DHCR24: variants seen among roughly 807,000 people sequenced by gnomAD.
DHCR24 encodes delta(24)-sterol reductase.
In DHCR24, 28 loss-of-function variants were observed where a neutral mutation model predicts 61.2. The ratio of observed to expected loss-of-function variants is 0.46; its 90% confidence interval spans 0.34 to 0.63. DHCR24 has a LOEUF of 0.63. Among genes scored for constraint, DHCR24 ranks in the 20% least tolerant of loss-of-function variants. DHCR24 has a pLI of 0.01. For synonymous variants in DHCR24, 261 were observed against 275.9 expected (o/e 0.95, Z 0.54); for missense variants, 538 against 679.1 (o/e 0.79, Z 2.31).
intron 3 of DHCR24, among the ~76,000 whole-genome samples, chr1:54,875,711 A>G (rs1647025116): frequency 6.6e-6 from 1 of 152,184 alleles, no homozygotes; most frequent in South Asian, 2.1e-4. Context: ...GTCACAGGGA[A>G]GCAGATTCAA....
intron 3 of DHCR24, 31 bp downstream of exon 3, chr1:54,875,911 C>G: frequency 6.3e-7 from 1 of 1,585,594 alleles, no homozygotes; most frequent in East Asian, 2.2e-5. Flanking sequence ...GACCGTGTGT[C>G]TCTTCTTGCC....
intron 6 of DHCR24, among the ~76,000 whole-genome samples, chr1:54,855,198 TC>T (rs1487349048): frequency 6.6e-6 from 1 of 151,970 alleles, no homozygotes; most frequent in African/African-American, 2.4e-5. Context: ...ATCGAGACTA[TC>T]CTGGCTAACA....
intron 5 of DHCR24, among the ~76,000 whole-genome samples, chr1:54,867,301 T>C (rs961492219): frequency 2.6e-5 from 4 of 152,188 alleles, no homozygotes; most frequent in Non-Finnish European, 5.9e-5. Flanking sequence ...CAGGGACAAA[T>C]TCCTGAATGC....
intron 5 of DHCR24, among the ~76,000 whole-genome samples, chr1:54,866,480 T>A (rs1405907912): frequency 4.6e-5 from 7 of 151,928 alleles, no homozygotes; most frequent in African/African-American, 1.7e-4. Flanking sequence ...TCCTGAAAAA[T>A]GGGACCATCT....
At chr1:54,866,733 TG>T (rs1464947961) in intron 5 of DHCR24, among the ~76,000 whole-genome samples, 1 of 150,082 alleles carries the variant, frequency 6.7e-6, no homozygotes, top group African/African-American at 2.5e-5. Flanking sequence ...CTTATCTGTG[TG>T]CCACCCGCTT....
chr1:54,870,573 A>G (rs1446134302), intron 5 of DHCR24, among the ~76,000 whole-genome samples: 1 of 152,200 alleles, frequency 6.6e-6, no homozygotes, highest in African/African-American at 2.4e-5. Context: ...TTCTCACAAT[A>G]CTTAATACAA....
Position 54,850,761 on chromosome 1 carries a change from C to G in DHCR24, c.*1472G>C, listed in dbSNP as rs1418429587. On this transcript the variant is annotated 3_prime_UTR_variant, in exon 9 of 9. Transcript: ENST00000371269. ...AGGCTTTCCGTGGGTTTTGCAACCACAGTGTCTAAGACAATCAGAAGGGTT... is the reference window on the plus strand; with the variant it reads ...AGGCTTTCCGTGGGTTTTGCAACCAGAGTGTCTAAGACAATCAGAAGGGTT... 1 of 152,208 alleles carries G rather than the reference C, an allele frequency of 6.6e-6. No homozygotes were observed. The highest frequency in any genetic ancestry group is 1.5e-5 in the Non-Finnish European group (1 of 68,048). The allele number at this position is 152,208 out of a possible 1,614,324, so 9.4% of individuals were successfully genotyped here. A position where few individuals can be genotyped will look rare whatever the true frequency, so the allele number is the denominator to read the frequency against.
At chr1:54,881,943 C>G (rs1647065713) in intron 2 of DHCR24, among the ~76,000 whole-genome samples, 1 of 151,918 alleles carries the variant, frequency 6.6e-6, no homozygotes, top group Non-Finnish European at 1.5e-5. Context: ...TGGACACATA[C>G]AGGGGAACAA....
At chr1:54,856,266 G>A (rs1311441277) in intron 6 of DHCR24, among the ~76,000 whole-genome samples, 1 of 152,126 alleles carries the variant, frequency 6.6e-6, no homozygotes, top group Non-Finnish European at 1.5e-5. Context: ...CTTATGGTCC[G>A]AAAAACCTAG....
intron 6 of DHCR24, among the ~76,000 whole-genome samples, chr1:54,861,288 T>C (rs991006005): frequency 6.6e-6 from 1 of 152,220 alleles, no homozygotes; most frequent in Non-Finnish European, 1.5e-5. Flanking sequence ...GCTGTTTCCA[T>C]GTGGCAGATC....
intron 4 of DHCR24, among the ~76,000 whole-genome samples, chr1:54,874,611 G>A (rs1647016465): frequency 6.6e-6 from 1 of 152,146 alleles, no homozygotes; most frequent in African/African-American, 2.4e-5. Context: ...TATCCCTACT[G>A]TTCTGTGACA....
chr1:54,886,295 CT>C (rs1453069082), intron 1 of DHCR24, among the ~76,000 whole-genome samples: 1 of 152,182 alleles, frequency 6.6e-6, no homozygotes, highest in Non-Finnish European at 1.5e-5. Flanking sequence ...CTGTGAGGTT[CT>C]TCCCTCCCGC....
At chr1:54,857,763 C>T (rs71637874) in intron 6 of DHCR24, among the ~76,000 whole-genome samples, 1 of 152,142 alleles carries the variant, frequency 6.6e-6, no homozygotes, top group African/African-American at 2.4e-5. Context: ...ATATTTAGTA[C>T]CTTTAATGGC....
At chr1:54,861,852 T>C (rs148360101) in intron 6 of DHCR24, among the ~76,000 whole-genome samples, 312 of 152,194 alleles carry the variant, frequency 2.1e-3, no homozygotes, top group African/African-American at 7.0e-3. Context: ...CAGCTTCACA[T>C]CTCTTCTCTC....
intron 5 of DHCR24, among the ~76,000 whole-genome samples, chr1:54,870,673 C>G (rs1313830637): frequency 6.6e-6 from 1 of 152,148 alleles, no homozygotes; most frequent in Non-Finnish European, 1.5e-5. Context: ...TTTTTGGCCC[C>G]TGAACGCTTT....
intron 6 of DHCR24, among the ~76,000 whole-genome samples, chr1:54,855,768 A>G (rs1182955920): frequency 1.3e-5 from 2 of 152,224 alleles, no homozygotes; most frequent in African/African-American, 2.4e-5. Context: ...CTGGCATGCA[A>G]CAGGATCTCA....
At chr1:54,869,828 G>A (rs1262797405) in intron 5 of DHCR24, among the ~76,000 whole-genome samples, 1 of 152,160 alleles carries the variant, frequency 6.6e-6, no homozygotes, top group African/African-American at 2.4e-5. Context: ...GGCCAAGGCA[G>A]GCAGATCACC....
chr1:54,869,738 C>CA (rs1467775623), intron 5 of DHCR24, among the ~76,000 whole-genome samples: 1 of 151,852 alleles, frequency 6.6e-6, no homozygotes, highest in Non-Finnish European at 1.5e-5. Context: ...CCCATCCCTA[C>CA]AAAAAAATTT....
chr1:54,871,245 G>A (rs986390001), intron 5 of DHCR24, 105 bp downstream of exon 5: 21 of 1,440,318 alleles, frequency 1.5e-5, no homozygotes, highest in South Asian at 3.6e-5. Flanking sequence ...CCAGGCAGCA[G>A]CCTTGAAGAG....
Sources: gnomAD v4.1 joint callset for allele counts (sites outside exome capture counted in the v4.1 genomes callset) on GRCh38, gnomAD v4.1.1 for gene constraint, MANE v1.5 for transcripts, NCBI Gene and HGNC (gene_info 2026-07-23, HGNC 2026-07-21) for gene names.